Variants in ANKRD45 observed in about 807,000 individuals in gnomAD.
ANKRD45 encodes ankyrin repeat domain 45, also known as ankyrin repeat domain-containing protein 45.
In ANKRD45, 21 loss-of-function variants were observed where a neutral mutation model predicts 28.1. That is an observed-to-expected ratio of 0.75 (90% confidence interval 0.53 to 1.08). ANKRD45 has a LOEUF of 1.08. ANKRD45 is among the 50% of genes least tolerant of loss of function. The pLI is 0.00. For missense variants in ANKRD45, 261 were observed against 308.7 expected (o/e 0.85, Z 1.16); for synonymous variants, 86 against 103.9 (o/e 0.83, Z 1.05).
intron 3 of ANKRD45, among the ~76,000 whole-genome samples, chr1:173,632,907 A>G (rs1668257542): frequency 6.6e-6 from 1 of 152,112 alleles, no homozygotes; most frequent in Non-Finnish European, 1.5e-5. Context: ...TAGAACAGGA[A>G]AAACTAAAAG....
chr1:173,646,804 A>G lies in ANKRD45; in HGVS notation c.496+42T>C, dbSNP rs778935167. 1.3e-5 allele frequency: 21 copies of G among 1,589,390 alleles called. No individual in the cohort carries two copies. The African/African-American group carries it at 2.6e-4, about 19-fold the overall frequency. On this transcript the variant is annotated intron_variant, in intron 3 of 5. Transcript: ENST00000333279. ...CCTGTAACTCATAGGAGAAAAACTC[A>G]TCACATCAGTCAGTTTGCTAACCCC...
upstream of ANKRD45, among the ~76,000 whole-genome samples, chr1:173,671,007 T>G (rs1670230882): frequency 6.6e-6 from 1 of 152,160 alleles, no homozygotes; most frequent in African/African-American, 2.4e-5. Flanking sequence ...AGTGTGCAAG[T>G]CCCTACCCTG....
At chr1:173,706,718 A>G in the ANKRD45 span, among the ~76,000 whole-genome samples, 1 of 152,142 alleles carries the variant, frequency 6.6e-6, no homozygotes, top group East Asian at 1.9e-4. Context: ...CCCTAATAAG[A>G]GTCTTTTAGA....
the ANKRD45 span, among the ~76,000 whole-genome samples, chr1:173,693,510 A>G: frequency 6.6e-6 from 1 of 152,232 alleles, no homozygotes; most frequent in South Asian, 2.1e-4. Context: ...ACAGCTTTAA[A>G]GCCAGATTAA....
intron 2 of ANKRD45, chr1:173,658,568 G>T (rs981921636): frequency 6.6e-6 from 1 of 151,940 alleles, no homozygotes; most frequent in African/African-American, 2.4e-5. Flanking sequence ...TCATGCTGAT[G>T]ATCTTTTTTT....
chr1:173,642,876 G>A (rs370415412), intron 3 of ANKRD45, among the ~76,000 whole-genome samples: 2 of 152,192 alleles, frequency 1.3e-5, no homozygotes, highest in Non-Finnish European at 2.9e-5. Context: ...CAGGGTGGAT[G>A]CATCAGGTTA....
At chr1:173,660,780 G>A (rs566752801) in intron 1 of ANKRD45, among the ~76,000 whole-genome samples, 1 of 152,276 alleles carries the variant, frequency 6.6e-6, no homozygotes, top group South Asian at 2.1e-4. Context: ...ACCACTGAGT[G>A]AGCTTGGAAG....
intron 3 of ANKRD45, among the ~76,000 whole-genome samples, chr1:173,646,308 T>G (rs574591557): frequency 3.2e-4 from 48 of 152,302 alleles, no homozygotes; most frequent in Non-Finnish European, 1.6e-4. Context: ...AACATACCCA[T>G]GTACCAGCAA....
chr1:173,637,288 A>G (rs1006697132), intron 3 of ANKRD45, among the ~76,000 whole-genome samples: 3 of 152,216 alleles, frequency 2.0e-5, no homozygotes, highest in Non-Finnish European at 4.4e-5. Flanking sequence ...TCAAAGGGAC[A>G]TTCCTCCCAG....
At chr1:173,635,706 T>C in intron 3 of ANKRD45, 2 of 1,535,754 alleles carry the variant, frequency 1.3e-6, no homozygotes, top group South Asian at 2.4e-5. Context: ...CTGGATAAAC[T>C]ATGCTGCGAC....
chr1:173,702,089 G>A, the ANKRD45 span, among the ~76,000 whole-genome samples: 1 of 152,148 alleles, frequency 6.6e-6, no homozygotes, highest in Non-Finnish European at 1.5e-5. Flanking sequence ...TATGGTTGGG[G>A]CAGAGGCAAG....
At chr1:173,675,954 T>A in the ANKRD45 span, among the ~76,000 whole-genome samples, 7 of 152,236 alleles carry the variant, frequency 4.6e-5, no homozygotes, top group Non-Finnish European at 1.0e-4. Context: ...TACCATCAAA[T>A]ACCTATGAGT....
At chr1:173,706,881 T>A in the ANKRD45 span, among the ~76,000 whole-genome samples, 1 of 152,120 alleles carries the variant, frequency 6.6e-6, no homozygotes, top group African/African-American at 2.4e-5. Flanking sequence ...TCCATAGAAG[T>A]TTTATCATTT....
At chr1:173,701,894 T>A in the ANKRD45 span, among the ~76,000 whole-genome samples, 1 of 152,072 alleles carries the variant, frequency 6.6e-6, no homozygotes, top group Non-Finnish European at 1.5e-5. Context: ...ATCATCATTT[T>A]ATGATTCGAA....
At chr1:173,695,805 T>C in the ANKRD45 span, among the ~76,000 whole-genome samples, 2 of 152,270 alleles carry the variant, frequency 1.3e-5, no homozygotes, top group East Asian at 3.9e-4. Flanking sequence ...CTGAACTAGT[T>C]GACATTCCCA....
intron 5 of ANKRD45, among the ~76,000 whole-genome samples, chr1:173,611,566 AATAC>A (rs1164548861): frequency 8.4e-5 from 11 of 130,242 alleles, no homozygotes; most frequent in East Asian, 4.9e-4. Flanking sequence ...CCTATGGCCT[AATAC>A]ATACATACAC....
At chr1:173,637,898 A>G (rs1291563354) in intron 3 of ANKRD45, among the ~76,000 whole-genome samples, 1 of 152,096 alleles carries the variant, frequency 6.6e-6, no homozygotes, top group Non-Finnish European at 1.5e-5. Flanking sequence ...GAGGTGCCCC[A>G]CTGCCCATTG....
At chr1:173,664,281 G>T (rs980310738) in intron 1 of ANKRD45, among the ~76,000 whole-genome samples, 1 of 152,168 alleles carries the variant, frequency 6.6e-6, no homozygotes, top group African/African-American at 2.4e-5. Context: ...ACTCTCAAAA[G>T]TGTCTGTTAT....
At chr1:173,695,949 A>T in the ANKRD45 span, among the ~76,000 whole-genome samples, 1 of 152,170 alleles carries the variant, frequency 6.6e-6, no homozygotes. Context: ...GTTATCCATG[A>T]CAATGCATGC....
Sources: gnomAD v4.1 joint callset for allele counts (sites outside exome capture counted in the v4.1 genomes callset) on GRCh38, gnomAD v4.1.1 for gene constraint, MANE v1.5 for transcripts, NCBI Gene and HGNC (gene_info 2026-07-23, HGNC 2026-07-21) for gene names.